The following MME variants were observed in gnomAD, a reference collection of about 807,000 sequenced individuals.
MME encodes neprilysin.
Under a neutral mutation model 113.2 loss-of-function variants are expected in MME, and 98 were observed. That is an observed-to-expected ratio of 0.87 (90% confidence interval 0.74 to 1.02). The LOEUF (loss-of-function observed/expected upper bound fraction) is 1.02, where lower values mean the gene tolerates loss of function less well. Ranked by LOEUF, MME falls within the 50% of genes least tolerant of loss-of-function variation. MME has a pLI of 0.00. For synonymous variants in MME, 292 were observed against 300.6 expected (o/e 0.97, Z 0.30); for missense variants, 836 against 896.0 (o/e 0.93, Z 0.86).
At chr3:155,098,429 G>A (rs546339973) in intron 3 of MME, among the ~76,000 whole-genome samples, 15 of 152,026 alleles carry the variant, frequency 9.9e-5, no homozygotes, top group African/African-American at 1.4e-4. Flanking sequence ...GGTGGTGCCC[G>A]CCTGTAGTCC....
chr3:155,115,138 T>C lies in MME; in HGVS notation c.341T>C (p.Leu114Pro). 1 of 1,614,140 alleles carries C rather than the reference T, an allele frequency of 6.2e-7. No individual in the cohort carries two copies. Among genetic ancestry groups the C allele is most frequent in the Non-Finnish European group, 8.5e-7 (1 of 1,179,988 alleles). Residue 114 changes from leucine (L) to proline (P), a missense_variant, in exon 4 of 23, where the codon CTA becomes CCA. Transcript: ENST00000360490. ...YGNFDILRDELEVVLKDVLQE... is the reference protein window; with the variant it reads ...YGNFDILRDEPEVVLKDVLQE... Reference sequence around the variant, plus strand: ...AACTTTGACATTTTAAGAGATGAACTAGAAGTCGTTTTGAAAGGTTAGTAG... The same window carrying C: ...AACTTTGACATTTTAAGAGATGAACCAGAAGTCGTTTTGAAAGGTTAGTAG...
chr3:155,065,166 G>A (rs1465017738), intron 1 of MME, among the ~76,000 whole-genome samples: 1 of 152,110 alleles, frequency 6.6e-6, no homozygotes, highest in Non-Finnish European at 1.5e-5. Flanking sequence ...GTATCCTTTG[G>A]CACTTTCCTC....
rs536369060 is a variant in MME at position 155,175,477 on chromosome 3, G to A, written c.2153+2865G>A. The stretch of plus-strand genomic sequence containing the variant: ...ATTTTGGAAATCCAGTTTTTGGTTA[G>A]CCATCTATAGTCATTTCAGGGAATA... On this transcript the variant is annotated intron_variant, in intron 22 of 22. Transcript: ENST00000360490. 1.4e-4 allele frequency among the ~76,000 whole-genome samples: 22 copies of A among 151,840 alleles called. 1 individual carries two copies. The South Asian group carries it at 1.9e-3, about 13-fold the overall frequency.
chr3:155,027,091 T>C (rs1712810800), intron 1 of MME, among the ~76,000 whole-genome samples: 1 of 152,226 alleles, frequency 6.6e-6, no homozygotes, highest in Non-Finnish European at 1.5e-5. Flanking sequence ...GCATTTCTAA[T>C]ATTTGTCAAT....
At chr3:155,162,068 C>T (rs981949919) in intron 17 of MME, among the ~76,000 whole-genome samples, 1 of 152,164 alleles carries the variant, frequency 6.6e-6, no homozygotes, top group African/African-American at 2.4e-5. Flanking sequence ...AGCAAGGCAA[C>T]TTAGACTCCT....
chr3:155,058,612 T>C (rs555540583), intron 1 of MME, among the ~76,000 whole-genome samples: 2 of 152,060 alleles, frequency 1.3e-5, no homozygotes, highest in African/African-American at 4.8e-5. Context: ...GGAAAAAATA[T>C]TAAAAAAGGC....
rs140859447 is a variant in MME, at chr3:155,141,209, T to A, written c.958-782T>A. The stretch of plus-strand genomic sequence containing the variant: ...AAGGCATAAACTATTGAGTTAGACA[T>A]CTTACATAGAATTTTTTAATATAAT... On this transcript the variant is annotated intron_variant, in intron 10 of 22. Coordinates refer to ENST00000360490, the MANE Select transcript of MME (RefSeq NM_007289.4). Among the ~76,000 whole-genome samples the A allele has an allele frequency of 5.2e-3, 796 of 152,322 alleles. 12 individuals carry two copies. Among genetic ancestry groups the A allele is most frequent in the Non-Finnish European group, 5.8e-3 (397 of 68,026 alleles).
At position 155,084,473 on chromosome 3, in the gene MME, A is replaced by G. The variant is rs1267883857; in HGVS notation, c.160+146A>G. ...GATTCATTTATAAAATGTAACATCA[A>G]TATGTCAAAATAATTAACTTTGAAG... On this transcript the variant is annotated intron_variant, in intron 2 of 22. Coordinates refer to ENST00000360490, the MANE Select transcript of MME (RefSeq NM_007289.4). 10 of 791,432 alleles carry G rather than the reference A, an allele frequency of 1.3e-5. No homozygotes were observed. In the East Asian group the frequency reaches 2.4e-4, roughly 19 times the overall value. The allele number at this position is 791,432 out of a possible 1,614,324, so 49.0% of individuals were successfully genotyped here. A position where few individuals can be genotyped will look rare whatever the true frequency, so the allele number is the denominator to read the frequency against.
In MME at chr3:155,183,483, G is replaced by A. The variant is rs199701988; in HGVS notation, c.*3024G>A. The A allele has an allele frequency of 1.3e-5, 2 of 152,116 alleles. No individual in the cohort carries two copies. The highest frequency in any genetic ancestry group is 2.1e-4 in the South Asian group (1 of 4,816). The allele number at this position is 152,116 out of a possible 1,614,324, so 9.4% of individuals were successfully genotyped here. A position where few individuals can be genotyped will look rare whatever the true frequency, so the allele number is the denominator to read the frequency against. ...AGTACCAAAGTTTTATCAAGTTTGG[G>A]TCTGTGCTGCTGTTACTGTTAACCA... On this transcript the variant is annotated 3_prime_UTR_variant, in exon 23 of 23. Transcript: ENST00000360490.
intron 8 of MME, among the ~76,000 whole-genome samples, chr3:155,125,434 GCTC>G (rs1719558782): frequency 7.2e-6 from 1 of 138,916 alleles, no homozygotes; most frequent in Non-Finnish European, 1.6e-5. Flanking sequence ...GGCCAACTTG[GCTC>G]CTCCTCCTTT....
intron 1 of MME, among the ~76,000 whole-genome samples, chr3:155,040,864 T>G (rs1205136881): frequency 6.6e-6 from 1 of 152,108 alleles, no homozygotes; most frequent in African/African-American, 2.4e-5. Flanking sequence ...TACTCAAAAT[T>G]TATATTTGAG....
chr3:155,173,358 T>C (rs1272508636), intron 22 of MME, among the ~76,000 whole-genome samples: 1 of 151,122 alleles, frequency 6.6e-6, no homozygotes, highest in African/African-American at 2.4e-5. Context: ...AAAAATTTTG[T>C]AGGGTAGTTG....
At chr3:155,124,074 G>T in intron 8 of MME, among the ~76,000 whole-genome samples, 1 of 137,768 alleles carries the variant, frequency 7.3e-6, no homozygotes, top group Admixed American at 7.4e-5. Flanking sequence ...CGTAGATTTG[G>T]TGTTTTCACA....
chr3:155,153,189 G>A (rs1447358473), intron 16 of MME, among the ~76,000 whole-genome samples: 2 of 152,010 alleles, frequency 1.3e-5, no homozygotes, highest in African/African-American at 2.4e-5. Flanking sequence ...ACCATGCCCA[G>A]CTAATTTTTG....
At chr3:155,031,169 T>C (rs1042794806) in intron 1 of MME, among the ~76,000 whole-genome samples, 1 of 152,208 alleles carries the variant, frequency 6.6e-6, no homozygotes, top group Non-Finnish European at 1.5e-5. Flanking sequence ...TGTTAAGCTT[T>C]ACATCTTTAA....
Position 155,172,222 on chromosome 3 carries a change from C to T in MME, c.2076+10C>T, listed in dbSNP as rs912022471. ...CTTGAACTTTGCACAGGTATTGTGT[C>T]TTTCTTGATTGATAGATATGAAAAC... is the stretch of plus-strand genomic sequence containing the variant. On this transcript the variant is annotated intron_variant, in intron 21 of 22. Coordinates refer to ENST00000360490, the MANE Select transcript of MME (RefSeq NM_007289.4). The T allele has an allele frequency of 7.7e-6, 12 of 1,555,820 alleles. No homozygotes were observed. Among genetic ancestry groups the T allele is most frequent in the Non-Finnish European group, 1.1e-5 (12 of 1,127,496 alleles).
chr3:155,129,989 T>C (rs1473159516), intron 8 of MME, among the ~76,000 whole-genome samples: 1 of 80,586 alleles, frequency 1.2e-5, no homozygotes, highest in African/African-American at 2.8e-5. Context: ...GTCTGAACTC[T>C]GTATTGGGGG....
At chr3:155,059,469 C>T (rs73874489) in intron 1 of MME, among the ~76,000 whole-genome samples, 14,685 of 151,926 alleles carry the variant, frequency 0.097, 1,164 homozygotes, top group African/African-American at 0.22. Context: ...TCTCATCTTA[C>T]AGATAAGAAA....
At chr3:155,179,868 C>T (rs1485285444) in intron 22 of MME, among the ~76,000 whole-genome samples, 2 of 152,040 alleles carry the variant, frequency 1.3e-5, no homozygotes, top group East Asian at 1.9e-4. Context: ...ATAAAAGCAA[C>T]AAAAAATATC....
Sources: allele counts gnomAD v4.1 joint callset (sites outside exome capture counted in the v4.1 genomes callset), GRCh38; gene constraint gnomAD v4.1.1; transcripts MANE v1.5; gene names NCBI Gene and HGNC (gene_info 2026-07-23, HGNC 2026-07-21).